Variants in ADK observed in about 807,000 individuals in gnomAD.
ADK encodes adenosine kinase, also known as N6,N6-dimethyladenosine kinase.
In ADK, 24 loss-of-function variants were observed where a neutral mutation model predicts 44.7. The ratio of observed to expected loss-of-function variants is 0.54; its 90% confidence interval spans 0.39 to 0.76. The LOEUF (loss-of-function observed/expected upper bound fraction) is 0.76. Ranked by LOEUF, ADK falls within the 30% of genes least tolerant of loss-of-function variation. The pLI is 0.00. For synonymous variants in ADK, 128 were observed against 142.6 expected, an observed-to-expected ratio of 0.90 and a Z score of 0.73; for missense variants, 321 against 425.1, an observed-to-expected ratio of 0.76 and a Z score of 2.15.
intron 6 of ADK, among the ~76,000 whole-genome samples, chr10:74,465,336 A>G (rs918812135): frequency 1.3e-5 from 2 of 152,210 alleles, no homozygotes; most frequent in Non-Finnish European, 2.9e-5. Flanking sequence ...GGGAAAAGTA[A>G]GTAGGAGATA....
chr10:74,630,218 G>C (rs1355089531), intron 9 of ADK, among the ~76,000 whole-genome samples: 1 of 151,648 alleles, frequency 6.6e-6, no homozygotes. Flanking sequence ...TAAATAGGTA[G>C]AATTTTTGTC....
chr10:74,238,855 G>GTTTTTT (rs1845080402), intron 3 of ADK, among the ~76,000 whole-genome samples: 1 of 86,522 alleles, frequency 1.2e-5, no homozygotes, highest in African/African-American at 5.4e-5. Flanking sequence ...TTTAGCTAGT[G>GTTTTTT]CTTTTTTTTT....
chr10:74,230,368 A>G (rs1220533640), intron 3 of ADK, among the ~76,000 whole-genome samples: 1 of 152,072 alleles, frequency 6.6e-6, no homozygotes, highest in Non-Finnish European at 1.5e-5. Flanking sequence ...ATGACTTGCT[A>G]TAGTTTACAT....
intron 9 of ADK, among the ~76,000 whole-genome samples, chr10:74,642,824 G>GTTTTTTTTTT (rs1564833109): frequency 8.4e-6 from 1 of 119,580 alleles, no homozygotes; most frequent in Non-Finnish European, 1.7e-5. Context: ...AAAATCTTAA[G>GTTTTTTTTTT]TTCTTTTTTT....
chr10:74,297,512 C>G (rs1471240613), intron 3 of ADK, among the ~76,000 whole-genome samples: 1 of 152,140 alleles, frequency 6.6e-6, no homozygotes, highest in East Asian at 1.9e-4. Flanking sequence ...TATTGTAGCT[C>G]TCTGTAGTAG....
At chr10:74,390,130 G>C (rs901660440) in intron 4 of ADK, among the ~76,000 whole-genome samples, 1 of 151,974 alleles carries the variant, frequency 6.6e-6, no homozygotes, top group African/African-American at 2.4e-5. Context: ...ATAAATAAAA[G>C]TAAGTTATAG....
At chr10:74,544,497 T>C (rs940765506) in intron 7 of ADK, among the ~76,000 whole-genome samples, 25 of 152,218 alleles carry the variant, frequency 1.6e-4, no homozygotes, top group Non-Finnish European at 2.9e-4. Context: ...AGAAACTTGA[T>C]AAATGTGGTG....
rs1283705676 is a variant in ADK, at chr10:74,177,731, A to AAATG, written c.66-23032_66-23029dup. Among the ~76,000 whole-genome samples the AAATG allele has an allele frequency of 2.0e-5, 3 of 152,024 alleles. No individual in the cohort carries two copies. The East Asian group carries it at 5.8e-4, about 29-fold the overall frequency. ...CAGAGAAAGGGAGGCCCCAGCACAAAAATGTGAAGAGAAATAAAATAAGCT... is the reference window on the plus strand; with the variant it reads ...CAGAGAAAGGGAGGCCCCAGCACAAAAATGAATGTGAAGAGAAATAAAATAAGCT... On this transcript the variant is annotated intron_variant, in intron 1 of 10. Coordinates refer to ENST00000539909, the MANE Select transcript of ADK (RefSeq NM_006721.4).
chr10:74,518,041 G>A (rs75450747), intron 6 of ADK, among the ~76,000 whole-genome samples: 7,349 of 152,264 alleles, frequency 0.048, 551 homozygotes, highest in African/African-American at 0.16. Context: ...AGAACAAAAT[G>A]TATTTTATAC....
intron 4 of ADK, among the ~76,000 whole-genome samples, chr10:74,356,595 C>T (rs116908628): frequency 8.9e-4 from 136 of 152,044 alleles, no homozygotes; most frequent in Non-Finnish European, 1.5e-3. Flanking sequence ...TCATTTTGTA[C>T]CAAGAGAATA....
chr10:74,671,038 T>TTAAAAAAAA (rs556808536), intron 10 of ADK, among the ~76,000 whole-genome samples: 9 of 99,098 alleles, frequency 9.1e-5, no homozygotes, highest in Non-Finnish European at 9.5e-5. Context: ...CAGGTTAATT[T>TTAAAAAAAA]AAAAAAAAAA....
At chr10:74,663,250 T>A (rs59270870) in intron 9 of ADK, among the ~76,000 whole-genome samples, 194 of 119,740 alleles carry the variant, frequency 1.6e-3, no homozygotes, top group African/African-American at 5.8e-3. Flanking sequence ...AAAAAAATAA[T>A]ATATATATAT....
intron 8 of ADK, among the ~76,000 whole-genome samples, chr10:74,592,615 T>C (rs73276233): frequency 0.032 from 4,808 of 152,172 alleles, 279 homozygotes; most frequent in African/African-American, 0.11. Context: ...AGAATAATAC[T>C]TCTGCTCATA....
intron 7 of ADK, among the ~76,000 whole-genome samples, chr10:74,561,117 C>A (rs988930289): frequency 4.6e-5 from 7 of 152,140 alleles, no homozygotes; most frequent in African/African-American, 1.4e-4. Context: ...TGCAGTCATT[C>A]CTAGAATGCA....
intron 3 of ADK, among the ~76,000 whole-genome samples, chr10:74,301,058 GCTTT>G (rs1464762472): frequency 6.6e-6 from 1 of 152,128 alleles, no homozygotes; most frequent in African/African-American, 2.4e-5. Flanking sequence ...TTCTATAAAT[GCTTT>G]CTAAGTGATA....
chr10:74,458,143 TTTTGG>T (rs1681819070), intron 6 of ADK, among the ~76,000 whole-genome samples: 1 of 81,802 alleles, frequency 1.2e-5, no homozygotes, highest in African/African-American at 3.6e-5. Flanking sequence ...TTTTTTTTTT[TTTTGG>T]GGGGAGAAGG....
intron 6 of ADK, among the ~76,000 whole-genome samples, chr10:74,436,961 A>G (rs925457236): frequency 6.6e-6 from 1 of 152,196 alleles, no homozygotes; most frequent in African/African-American, 2.4e-5. Flanking sequence ...CATATAGAAA[A>G]TCTTAAGGAA....
rs545356989 is a variant in ADK at position 74,542,889 on chromosome 10, T to G, written c.726+17463T>G. On this transcript the variant is annotated intron_variant, in intron 7 of 10. Coordinates refer to ENST00000539909, the MANE Select transcript of ADK (RefSeq NM_006721.4). ...CTCATTTTTAATTTTATTTTAGTTA[T>G]TTATTTATTTATTTATTTATTTTTT... Among the ~76,000 whole-genome samples the G allele has an allele frequency of 9.3e-5, 14 of 151,072 alleles. No individual in the cohort carries two copies. The South Asian group carries it at 2.5e-3, about 27-fold the overall frequency.
chr10:74,455,092 C>G (rs541061755), intron 6 of ADK, among the ~76,000 whole-genome samples: 53 of 152,112 alleles, frequency 3.5e-4, no homozygotes, highest in Admixed American at 8.5e-4. Flanking sequence ...TATCCTGAAC[C>G]GTGCCTATAG....
Sources: allele counts gnomAD v4.1 joint callset (sites outside exome capture counted in the v4.1 genomes callset), GRCh38; gene constraint gnomAD v4.1.1; transcripts MANE v1.5; gene names NCBI Gene and HGNC (gene_info 2026-07-23, HGNC 2026-07-21).